The following PRIM2 variants were observed in gnomAD, a reference collection of about 807,000 sequenced individuals.
PRIM2 encodes the protein DNA primase subunit 2.
In PRIM2, 39 loss-of-function variants were observed where a neutral mutation model predicts 67.3. The observed-to-expected ratio is 0.58, with a 90% confidence interval of 0.45 to 0.76. The LOEUF is 0.76. Among genes scored for constraint, PRIM2 ranks in the 30% least tolerant of loss-of-function variants. The pLI is 0.00. For missense variants in PRIM2, 398 were observed against 598.7 expected (o/e 0.66, Z 3.50); for synonymous variants, 143 against 198.7 (o/e 0.72, Z 2.36).
chr6:57,331,446 C>T (rs1290394883), intron 5 of PRIM2, among the ~76,000 whole-genome samples: 1 of 152,026 alleles, frequency 6.6e-6, no homozygotes, highest in African/African-American at 2.4e-5. Context: ...GGAAATGTTT[C>T]CTCCTCTTCC....
intron 10 of PRIM2, among the ~76,000 whole-genome samples, chr6:57,565,508 C>G (rs1334760929): frequency 6.0e-5 from 9 of 150,720 alleles, no homozygotes; most frequent in Non-Finnish European, 1.2e-4. Context: ...AGTCCCAGTC[C>G]AAGGATAGGA....
chr6:57,586,554 C>T (rs1776190514), intron 10 of PRIM2, among the ~76,000 whole-genome samples: 1 of 152,092 alleles, frequency 6.6e-6, no homozygotes, highest in African/African-American at 2.4e-5. Flanking sequence ...CAAGGATAGA[C>T]TGGAGTATAT....
At chr6:57,271,412 G>T in the PRIM2 span, among the ~76,000 whole-genome samples, 13 of 152,194 alleles carry the variant, frequency 8.5e-5, no homozygotes, top group African/African-American at 3.1e-4. Flanking sequence ...TAGTTTATTT[G>T]CGTAGAGGTG....
At chr6:57,335,590 C>T (rs1194808959) in intron 5 of PRIM2, among the ~76,000 whole-genome samples, 1 of 152,186 alleles carries the variant, frequency 6.6e-6, no homozygotes, top group Non-Finnish European at 1.5e-5. Context: ...AGGCACCCCC[C>T]AGCAGGGGCA....
upstream of PRIM2, among the ~76,000 whole-genome samples, chr6:57,314,319 AGCCT>A (rs1364097637): frequency 1.3e-5 from 2 of 152,224 alleles, no homozygotes; most frequent in African/African-American, 2.4e-5. Flanking sequence ...GTCTGAGACC[AGCCT>A]GGCCAACGTG....
chr6:57,316,429 C>CG (rs1767485482), upstream of PRIM2, among the ~76,000 whole-genome samples: 1 of 151,860 alleles, frequency 6.6e-6, no homozygotes, highest in Non-Finnish European at 1.5e-5. Flanking sequence ...GGTGGTGGGT[C>CG]GGGGGGAATA....
intron 7 of PRIM2, among the ~76,000 whole-genome samples, chr6:57,476,055 T>A (rs1338029087): frequency 4.6e-5 from 7 of 152,168 alleles, no homozygotes; most frequent in African/African-American, 1.7e-4. Context: ...AAAAAATCAT[T>A]ACCTTACCTC....
chr6:57,552,212 G>A (rs1775418938), intron 10 of PRIM2, among the ~76,000 whole-genome samples: 3 of 152,190 alleles, frequency 2.0e-5, no homozygotes, highest in African/African-American at 7.2e-5. Context: ...CAGGTGAGAA[G>A]CACTGGCTTG....
At chr6:57,359,690 A>G (rs531627564) in intron 5 of PRIM2, among the ~76,000 whole-genome samples, 4 of 152,354 alleles carry the variant, frequency 2.6e-5, no homozygotes, top group East Asian at 1.9e-4. Context: ...CAACTGTACT[A>G]TGATTTGGAA....
chr6:57,355,151 A>T (rs1436036148), intron 5 of PRIM2, among the ~76,000 whole-genome samples: 1 of 152,266 alleles, frequency 6.6e-6, no homozygotes, highest in Non-Finnish European at 1.5e-5. Flanking sequence ...TAAAAATACA[A>T]AAATTAGCTA....
intron 7 of PRIM2, among the ~76,000 whole-genome samples, chr6:57,418,402 T>G (rs1394191528): frequency 7.0e-5 from 9 of 128,602 alleles, no homozygotes; most frequent in African/African-American, 2.0e-4. Context: ...TTTTTTTTTT[T>G]TTTTTTTTTT....
chr6:57,358,718 G>A (rs1350589048), intron 5 of PRIM2, among the ~76,000 whole-genome samples: 1 of 152,114 alleles, frequency 6.6e-6, no homozygotes, highest in Non-Finnish European at 1.5e-5. Context: ...TGTATTGGCA[G>A]TACAGTAAAA....
chr6:57,568,872 T>G (rs1775802195), intron 10 of PRIM2, among the ~76,000 whole-genome samples: 1 of 152,248 alleles, frequency 6.6e-6, no homozygotes, highest in Admixed American at 6.5e-5. Context: ...TTGCAACCTC[T>G]TTGGGAGCTC....
rs1435887444 is a variant in PRIM2, at chr6:57,597,601, T to C, written c.1021-3492T>C. Reference sequence around the variant, plus strand: ...CCCATAGCAATTTAATGCATTAATATTACTGTCCCTATAGATTAGGATAAT... The same window carrying C: ...CCCATAGCAATTTAATGCATTAATACTACTGTCCCTATAGATTAGGATAAT... On this transcript the variant is annotated intron_variant, in intron 10 of 13. Transcript: ENST00000615550. Among the ~76,000 whole-genome samples the C allele has an allele frequency of 9.8e-5, 15 of 152,336 alleles. No homozygotes were observed. The East Asian group carries it at 2.9e-3, about 29-fold the overall frequency.
At chr6:57,442,728 T>C (rs558118230) in intron 7 of PRIM2, among the ~76,000 whole-genome samples, 1 of 152,292 alleles carries the variant, frequency 6.6e-6, no homozygotes, top group South Asian at 2.1e-4. Context: ...CACAAAGTTA[T>C]GTTATAATTT....
At chr6:57,247,515 A>G in the PRIM2 span, among the ~76,000 whole-genome samples, 1 of 152,224 alleles carries the variant, frequency 6.6e-6, no homozygotes, top group African/African-American at 2.4e-5. Flanking sequence ...TTTTTGGTGT[A>G]TTTTGAGCAC....
At chr6:57,257,344 T>C in the PRIM2 span, among the ~76,000 whole-genome samples, 1 of 151,414 alleles carries the variant, frequency 6.6e-6, no homozygotes. Context: ...CAATCTCGGC[T>C]CACCGCAACC....
chr6:57,574,714 C>A (rs1466913046), intron 10 of PRIM2, among the ~76,000 whole-genome samples: 2 of 150,976 alleles, frequency 1.3e-5, no homozygotes, highest in Non-Finnish European at 2.9e-5. Flanking sequence ...ACTTCAGGAT[C>A]TTCTACCCAC....
chr6:57,549,293 T>C (rs1378942706), intron 10 of PRIM2, among the ~76,000 whole-genome samples: 1 of 152,230 alleles, frequency 6.6e-6, no homozygotes, highest in African/African-American at 2.4e-5. Context: ...GAGGTAAATA[T>C]TATCTTCGTT....
Sources: allele counts gnomAD v4.1 joint callset (sites outside exome capture counted in the v4.1 genomes callset), GRCh38; gene constraint gnomAD v4.1.1; transcripts MANE v1.5; gene names NCBI Gene and HGNC (gene_info 2026-07-23, HGNC 2026-07-21).